PRKN: variants seen among roughly 807,000 people sequenced by gnomAD.
PRKN encodes E3 ubiquitin-protein ligase parkin.
Under a neutral mutation model 59.5 loss-of-function variants are expected in PRKN, and 56 were observed. The ratio of observed to expected loss-of-function variants is 0.94; its 90% CI spans 0.76 to 1.18. The LOEUF (loss-of-function observed/expected upper bound fraction) is 1.18, where lower values mean the gene tolerates loss of function less well. PRKN is among the 50% of genes most tolerant of loss of function. The probability of loss-of-function intolerance (pLI) is 0.00; values close to 1 mark genes in which losing one functional copy is unlikely to be tolerated. For missense variants in PRKN, 657 were observed against 596.4 expected (o/e 1.10, Z -1.06); for synonymous variants, 250 against 222.1 (o/e 1.13, Z -1.12).
chr6:162,001,004 TCTATTCTTTTA>T (rs996142245), intron 5 of PRKN, among the ~76,000 whole-genome samples: 2 of 152,088 alleles, frequency 1.3e-5, no homozygotes, highest in African/African-American at 4.8e-5. Context: ...GATCGATTTG[TCTATTCTTTTA>T]CTATTACCAC....
chr6:162,225,886 G>GTATATATATATATA lies in PRKN; in HGVS notation c.413-24648_413-24635dup, dbSNP rs58925653. Among the ~76,000 whole-genome samples, 233 of 143,168 alleles carry GTATATATATATATA rather than the reference G, an allele frequency of 1.6e-3. 2 individuals are homozygous for GTATATATATATATA. Among genetic ancestry groups the GTATATATATATATA allele is most frequent in the Middle Eastern group, 0.015 (4 of 268 alleles). The allele number at this position is 143,168 out of a possible 152,430, so 93.9% of individuals were successfully genotyped here. On this transcript the variant is annotated intron_variant, in intron 3 of 11. Transcript: ENST00000366898. ...AAATGACTGCTGTTAATGTAGGGCT[G>GTATATATATATATA]TATATATATATATATATATACTTTT...
intron 1 of PRKN, among the ~76,000 whole-genome samples, chr6:162,474,676 T>C (rs1791915869): frequency 1.3e-5 from 2 of 152,328 alleles, no homozygotes; most frequent in South Asian, 2.1e-4. Flanking sequence ...AAGGCCATAT[T>C]ACAAGATTCA....
chr6:161,752,912 G>A (rs1405758563), intron 7 of PRKN, among the ~76,000 whole-genome samples: 1 of 152,126 alleles, frequency 6.6e-6, no homozygotes, highest in African/African-American at 2.4e-5. Context: ...GGGTTATCAG[G>A]GGCATCAGGA....
At chr6:162,466,792 CT>C (rs953483031) in intron 1 of PRKN, among the ~76,000 whole-genome samples, 33 of 148,322 alleles carry the variant, frequency 2.2e-4, no homozygotes, top group African/African-American at 4.5e-4. Flanking sequence ...CTTTGTTTTC[CT>C]TTTTTTTTTC....
intron 7 of PRKN, among the ~76,000 whole-genome samples, chr6:161,745,676 C>G (rs1225841863): frequency 6.6e-6 from 1 of 152,114 alleles, no homozygotes; most frequent in African/African-American, 2.4e-5. Flanking sequence ...GATCTGAAAT[C>G]CAGTAGACTT....
chr6:161,756,711 T>C (rs1433025873), intron 7 of PRKN, among the ~76,000 whole-genome samples: 1 of 152,106 alleles, frequency 6.6e-6, no homozygotes, highest in Admixed American at 6.6e-5. Flanking sequence ...TTGAAAGATA[T>C]GGAGGCAAGT....
At chr6:161,941,528 G>GTA (rs778741262) in intron 6 of PRKN, among the ~76,000 whole-genome samples, 23 of 152,312 alleles carry the variant, frequency 1.5e-4, no homozygotes, top group Non-Finnish European at 3.2e-4. Flanking sequence ...GATTCTTCTG[G>GTA]TACACAAAGG....
intron 4 of PRKN, among the ~76,000 whole-genome samples, chr6:162,180,591 T>C (rs1038108133): frequency 6.6e-6 from 1 of 152,242 alleles, no homozygotes; most frequent in Admixed American, 6.5e-5. Flanking sequence ...TCCACTGTGA[T>C]AATGTGACAA....
chr6:161,658,001 C>T (rs1468873792), intron 7 of PRKN, among the ~76,000 whole-genome samples: 2 of 100,686 alleles, frequency 2.0e-5, no homozygotes, highest in African/African-American at 8.2e-5. Flanking sequence ...GATCAACAGA[C>T]TGAGACTCTG....
At chr6:161,851,288 C>G (rs905186407) in intron 6 of PRKN, among the ~76,000 whole-genome samples, 3 of 152,154 alleles carry the variant, frequency 2.0e-5, no homozygotes, top group Admixed American at 1.3e-4. Flanking sequence ...GTAGGAAGAC[C>G]CTCACCAGAT....
intron 7 of PRKN, among the ~76,000 whole-genome samples, chr6:161,779,961 A>T (rs1354517250): frequency 6.6e-6 from 1 of 152,204 alleles, no homozygotes; most frequent in Non-Finnish European, 1.5e-5. Context: ...ATACACATAC[A>T]TGCAGACATA....
chr6:161,815,812 A>G (rs544047851), intron 6 of PRKN, among the ~76,000 whole-genome samples: 1 of 152,340 alleles, frequency 6.6e-6, no homozygotes, highest in Non-Finnish European at 1.5e-5. Flanking sequence ...AGAACTGAGC[A>G]GAGAGAGCTG....
At chr6:161,865,307 G>A (rs1417213442) in intron 6 of PRKN, among the ~76,000 whole-genome samples, 1 of 152,164 alleles carries the variant, frequency 6.6e-6, no homozygotes, top group Non-Finnish European at 1.5e-5. Context: ...AGTCAACGTG[G>A]CCTAATTCTT....
intron 2 of PRKN, among the ~76,000 whole-genome samples, chr6:162,266,298 T>TA (rs374591594): frequency 6.6e-4 from 97 of 146,194 alleles, no homozygotes; most frequent in Middle Eastern, 3.5e-3. Context: ...TACATATATA[T>TA]TGTGTGTGTG....
rs557463767 is a variant in PRKN at position 161,475,703 on chromosome 6, G to A, written c.1083+73151C>T. Among the ~76,000 whole-genome samples the A allele has an allele frequency of 6.6e-6, 1 of 151,960 alleles. No homozygotes were observed. The highest frequency in any genetic ancestry group is 1.5e-5 in the Non-Finnish European group (1 of 67,982). On this transcript the variant is annotated intron_variant, in intron 9 of 11. Transcript: ENST00000366898. This position sits in a 1 kb window ranked among gnomAD's most constrained non-coding sequence, Gnocchi z 5.3. ...TTGCCGAGGCTGGTCTTGAACTCCT[G>A]AGCTCAAGGAATCTGCTCGCCTCGG...
chr6:161,578,950 G>A lies in PRKN; in HGVS notation c.872-9534C>T, dbSNP rs1346674264. 6.6e-6 allele frequency among the ~76,000 whole-genome samples: 1 copy of A among 152,194 alleles called. No individual in the cohort carries two copies. The highest frequency in any genetic ancestry group is 1.5e-5 in the Non-Finnish European group (1 of 68,042). On this transcript the variant is annotated intron_variant, in intron 7 of 11. Coordinates refer to ENST00000366898, the MANE Select transcript of PRKN (RefSeq NM_004562.3). The surrounding 1 kb of genome is among the most constrained non-coding windows in gnomAD (Gnocchi z 4.2). ...GACCTATATTTTGAGTGATTGTGATGATACATTTTACAGGGCAAGTGTTTT... is the reference window on the plus strand; with the variant it reads ...GACCTATATTTTGAGTGATTGTGATAATACATTTTACAGGGCAAGTGTTTT...
rs575805850 is a variant in PRKN at position 162,264,258 on chromosome 6, C to CAG, written c.172-1495_172-1494dup. On this transcript the variant is annotated intron_variant, in intron 2 of 11. Coordinates refer to ENST00000366898, the MANE Select transcript of PRKN (RefSeq NM_004562.3). Reference sequence around the variant, plus strand: ...TGCCACTGCACTCCAGCCTGGGCAACAGAGAGAGAGACTCTGTCTCAAAAA... The same window carrying CAG: ...TGCCACTGCACTCCAGCCTGGGCAACAGAGAGAGAGAGACTCTGTCTCAAAAA... 2.7e-3 allele frequency among the ~76,000 whole-genome samples: 418 copies of CAG among 152,140 alleles called. 3 individuals are homozygous for CAG. Among genetic ancestry groups the CAG allele is most frequent in the African/African-American group, 9.5e-3 (393 of 41,530 alleles).
chr6:162,580,635 A>G (rs1198362803), intron 1 of PRKN, among the ~76,000 whole-genome samples: 1 of 152,108 alleles, frequency 6.6e-6, no homozygotes, highest in South Asian at 2.1e-4. Flanking sequence ...ATATTTTATG[A>G]AATTCATCTG....
chr6:162,681,628 T>C (rs1382694906), intron 1 of PRKN, among the ~76,000 whole-genome samples: 1 of 152,176 alleles, frequency 6.6e-6, no homozygotes, highest in African/African-American at 2.4e-5. Flanking sequence ...AGCCTTCATT[T>C]GCATAGAAGT....
Sources: allele counts gnomAD v4.1 joint callset (sites outside exome capture counted in the v4.1 genomes callset), GRCh38; gene constraint gnomAD v4.1.1; non-coding constraint Gnocchi (gnomAD v3.1); transcripts MANE v1.5; gene names NCBI Gene and HGNC (gene_info 2026-07-23, HGNC 2026-07-21).